SLC37A2: variants seen among roughly 807,000 people sequenced by gnomAD.
The protein encoded by SLC37A2 is glucose-6-phosphate exchanger SLC37A2.
A neutral mutation model predicts 70.7 loss-of-function variants in SLC37A2; 59 were observed. That is an observed-to-expected ratio of 0.83 (90% CI 0.68 to 1.04). The LOEUF (loss-of-function observed/expected upper bound fraction) is 1.04, where lower values mean the gene tolerates loss of function less well. SLC37A2 is among the 50% of genes least tolerant of loss of function. The probability of loss-of-function intolerance (pLI) is 0.00; values close to 1 mark genes in which losing one functional copy is unlikely to be tolerated. For missense variants in SLC37A2, 580 were observed against 658.1 expected (o/e 0.88, Z 1.30); for synonymous variants, 257 against 262.1 (o/e 0.98, Z 0.19).
chr11:125,085,550 C>G, intron 15 of SLC37A2, 27 bp from the exon 16 acceptor site: 1 of 1,613,730 alleles, frequency 6.2e-7, no homozygotes, highest in Non-Finnish European at 8.5e-7. Flanking sequence ...TGCAGGACCC[C>G]TGCTCACGAG....
At chr11:125,081,061 G>A (rs552723557) in intron 7 of SLC37A2, among the ~76,000 whole-genome samples, 4 of 152,304 alleles carry the variant, frequency 2.6e-5, no homozygotes, top group East Asian at 1.9e-4. Context: ...TGAGAGGTGT[G>A]ATCAGGGAGG....
intron 1 of SLC37A2, among the ~76,000 whole-genome samples, chr11:125,064,780 A>C (rs1299362337): frequency 6.6e-6 from 1 of 152,176 alleles, no homozygotes; most frequent in African/African-American, 2.4e-5. Context: ...TTCAAAAGAG[A>C]ATCTAGAGAG....
chr11:125,088,886 G>T lies in SLC37A2; in HGVS notation c.*752G>T, dbSNP rs1044869093. 3 of 152,286 alleles carry T rather than the reference G, an allele frequency of 2.0e-5. No individual in the cohort carries two copies. Among genetic ancestry groups the T allele is most frequent in the African/African-American group, 7.2e-5 (3 of 41,438 alleles). The allele number at this position is 152,286 out of a possible 1,614,324, so 9.4% of individuals were successfully genotyped here. A position where few individuals can be genotyped will look rare whatever the true frequency, so the allele number is the denominator to read the frequency against. On this transcript the variant is annotated 3_prime_UTR_variant, in exon 18 of 18. Transcript: ENST00000403796. The stretch of plus-strand genomic sequence containing the variant: ...GGAGAGTAGAAAGAGGGGTTGGCAT[G>T]ACTAAAAATACCAGTATGTGTATTA...
rs1265235312 is a variant in SLC37A2 at position 125,088,174 on chromosome 11, G to A, written c.*40G>A. 7 of 1,550,522 alleles carry A rather than the reference G, an allele frequency of 4.5e-6. No homozygotes were observed. The highest frequency in any genetic ancestry group is 4.9e-5 in the East Asian group (2 of 40,856). On this transcript the variant is annotated 3_prime_UTR_variant, in exon 18 of 18. Transcript: ENST00000403796. ...CAGCAGCATGGAGGGTCCCAGTTGG[G>A]TCCCCAACGTGCTCCCCATGGGCAA...
intron 17 of SLC37A2, 185 bp from the exon 18 acceptor site, chr11:125,087,934 G>C: frequency 1.5e-6 from 1 of 660,940 alleles, no homozygotes; most frequent in Non-Finnish European, 2.6e-6. Context: ...GCCCGGCCAG[G>C]TTTTAAATAT....
At chr11:125,085,354 G>A (rs779895473) in intron 14 of SLC37A2, 41 bp from the exon 15 acceptor site, 1 of 1,588,644 alleles carries the variant, frequency 6.3e-7, no homozygotes, top group South Asian at 1.1e-5. Flanking sequence ...TGCTCATGCT[G>A]CTGCTCAGCT....
intron 1 of SLC37A2, among the ~76,000 whole-genome samples, chr11:125,074,706 A>C (rs1461674124): frequency 6.6e-6 from 1 of 152,110 alleles, no homozygotes; most frequent in African/African-American, 2.4e-5. Context: ...AGGGCTCAGC[A>C]TGAGTGTGGA....
Position 125,079,758 on chromosome 11 carries a change from G to A in SLC37A2, c.525G>A (p.Gly175=), listed in dbSNP as rs1272134769. ...VTCVGNWFGK[G]KRGFIMGIWN... is the part of the protein sequence containing the mutation. ...GTGTTGGCAACTGGTTCGGGAAGGGGAAGTGAGTGTAACAAGGGAGGAGGA... is the reference window on the plus strand; with the variant it reads ...GTGTTGGCAACTGGTTCGGGAAGGGAAAGTGAGTGTAACAAGGGAGGAGGA... The change falls in exon 6 of 18, where the codon GGG becomes GGA. Residue 175 remains glycine, a splice_region_variant and synonymous_variant. Coordinates refer to ENST00000403796, the MANE Select transcript of SLC37A2 (RefSeq NM_001145290.2). 16 of 1,608,554 alleles carry A rather than the reference G, an allele frequency of 9.9e-6. No homozygotes were observed. The highest frequency in any genetic ancestry group is 1.3e-5 in the Non-Finnish European group (15 of 1,177,214).
At chr11:125,077,732 G>A (rs997226273) in intron 4 of SLC37A2, among the ~76,000 whole-genome samples, 1 of 152,206 alleles carries the variant, frequency 6.6e-6, no homozygotes, top group African/African-American at 2.4e-5. Context: ...CTTTTGCCTG[G>A]AAATGTTCTC....
chr11:125,080,852 A>G lies in SLC37A2; in HGVS notation c.694+72A>G, dbSNP rs1591632777. 1 of 1,296,370 alleles carries G rather than the reference A, an allele frequency of 7.7e-7. No homozygotes were observed. 80.3% of individuals were successfully genotyped at this position (1,296,370 alleles called of 1,614,324 possible). ...TTTCTGGGAGAAGGCAGCTGGATCT[A>G]CTGGAAAGATTGCTGGTCACAGAGT... On this transcript the variant is annotated intron_variant, in intron 7 of 17. Transcript: ENST00000403796. This position sits in a 1 kb window ranked among gnomAD's most constrained non-coding sequence, Gnocchi z 4.3.
At chr11:125,071,855 G>A (rs185183901) in intron 1 of SLC37A2, among the ~76,000 whole-genome samples, 4 of 83,556 alleles carry the variant, frequency 4.8e-5, no homozygotes, top group African/African-American at 2.4e-4. Context: ...TGTGGGGGAG[G>A]GGGGGTGGGC....
intron 2 of SLC37A2, 151 bp downstream of exon 2, chr11:125,076,989 C>T: frequency 1.2e-6 from 1 of 812,550 alleles, no homozygotes; most frequent in East Asian, 2.6e-5. Context: ...AGTTTATTCC[C>T]CAAGACAGCT....
chr11:125,083,860 A>G lies in SLC37A2; in HGVS notation c.1022A>G (p.Asp341Gly). 6.2e-7 allele frequency: 1 copy of G among 1,614,064 alleles called. No individual in the cohort carries two copies. The highest frequency in any genetic ancestry group is 8.5e-7 in the Non-Finnish European group (1 of 1,180,002). ...GCTGGGGACCTGTCTACACTCTTCG[A>G]TGTTGGTGGCATCATAGGTGAGGCC... is the stretch of plus-strand genomic sequence containing the variant. ...KEAGDLSTLF[D>G]VGGIIGGIVA... is the part of the protein sequence containing the mutation. The change falls in exon 11 of 18, where the codon GAT becomes GGT. Residue 341 changes from aspartate (D) to glycine (G), a missense_variant. Transcript: ENST00000403796. This position sits in a 1 kb window ranked among gnomAD's most constrained non-coding sequence, Gnocchi z 4.6.
In SLC37A2 at chr11:125,084,815, CCT is replaced by C; in HGVS notation, c.1126-4_1126-3del. 6.2e-7 allele frequency: 1 copy of C among 1,613,358 alleles called. No homozygotes were observed. The highest frequency in any genetic ancestry group is 8.5e-7 in the Non-Finnish European group (1 of 1,179,710). ...CCGGGTGACTCTGCCTCTCCCCTCT[CCT>C]CTCTCAGATGTTCCTGTACAACTAC... On this transcript the variant is annotated splice_polypyrimidine_tract_variant and splice_region_variant and intron_variant, in intron 12 of 17. Coordinates refer to ENST00000403796, the MANE Select transcript of SLC37A2 (RefSeq NM_001145290.2).
intron 15 of SLC37A2, 49 bp from the exon 16 acceptor site, chr11:125,085,528 G>A (rs1949200928): frequency 6.2e-7 from 1 of 1,613,042 alleles, no homozygotes; most frequent in Non-Finnish European, 8.5e-7. Flanking sequence ...GCCCTCCGGT[G>A]GGCAGGGGAG....
Position 125,082,301 on chromosome 11 carries a change from C to G in SLC37A2, c.943C>G (p.Leu315Val). ...TGCCAAGCTGGTCAGTTACACCTTCCTCTACTGGCTGCCCCTCTACATCGC... is the reference window on the plus strand; with the variant it reads ...TGCCAAGCTGGTCAGTTACACCTTCGTCTACTGGCTGCCCCTCTACATCGC... ...LFAKLVSYTFLYWLPLYIANV... is the reference protein window; with the variant it reads ...LFAKLVSYTFVYWLPLYIANV... Residue 315 changes from leucine (L) to valine (V), a missense_variant, in exon 10 of 18, where the codon CTC becomes GTC. By Grantham distance (32) the Leu-to-Val change is conservative. Transcript: ENST00000403796. 6.2e-7 allele frequency: 1 copy of G among 1,613,980 alleles called. No homozygotes were observed. The highest frequency in any genetic ancestry group is 2.2e-5 in the East Asian group (1 of 44,846).
chr11:125,087,142 A>G (rs1442007181), intron 17 of SLC37A2: 4 of 152,608 alleles, frequency 2.6e-5, no homozygotes, highest in Non-Finnish European at 5.9e-5. Context: ...GCAGAAAGCG[A>G]GGAGGATTTA....
chr11:125,083,820 T>C lies in SLC37A2; in HGVS notation c.982T>C (p.Phe328Leu). 1 of 1,614,132 alleles carries C rather than the reference T, an allele frequency of 6.2e-7. No homozygotes were observed. The highest frequency in any genetic ancestry group is 8.5e-7 in the Non-Finnish European group (1 of 1,179,976). The change falls in exon 11 of 18, where the codon TTT becomes CTT. Residue 328 changes from phenylalanine (F) to leucine (L), a missense_variant. By Grantham distance (22) the Phe-to-Leu change is conservative (BLOSUM62 0). Coordinates refer to ENST00000403796, the MANE Select transcript of SLC37A2 (RefSeq NM_001145290.2). This position sits in a 1 kb window ranked among gnomAD's most constrained non-coding sequence, Gnocchi z 4.6. ...LPLYIANVAH[F>L]SAKEAGDLST... ...CATACCTGTATTTTCCACAGCTCACTTTAGTGCCAAGGAGGCTGGGGACCT... is the reference window on the plus strand; with the variant it reads ...CATACCTGTATTTTCCACAGCTCACCTTAGTGCCAAGGAGGCTGGGGACCT...
Position 125,079,147 on chromosome 11 carries a change from A to G in SLC37A2, c.350A>G (p.Tyr117Cys), listed in dbSNP as rs1021927224. Residue 117 changes from tyrosine (Y) to cysteine (C), a missense_variant, in exon 5 of 18, where the codon TAC becomes TGC. By Grantham distance (194) the Tyr-to-Cys change is radical. Coordinates refer to ENST00000403796, the MANE Select transcript of SLC37A2 (RefSeq NM_001145290.2). The part of the protein sequence containing the change: ...VFGERLPLRY[Y>C]LSAGMLLSGL... ...GGGGAGCGGCTTCCGCTCCGTTACT[A>G]CCTCTCAGCTGGAATGCTGCTCAGT... 1 of 1,613,954 alleles carries G rather than the reference A, an allele frequency of 6.2e-7. No individual in the cohort carries two copies. The highest frequency in any genetic ancestry group is 8.5e-7 in the Non-Finnish European group (1 of 1,179,966).
Sources: gnomAD v4.1 joint callset for allele counts (sites outside exome capture counted in the v4.1 genomes callset) on GRCh38, gnomAD v4.1.1 for gene constraint, Gnocchi (gnomAD v3.1) non-coding constraint, MANE v1.5 for transcripts, NCBI Gene and HGNC (gene_info 2026-07-23, HGNC 2026-07-21) for gene names.